Variants in SETBP1 observed in about 807,000 individuals in gnomAD.
SETBP1 encodes the protein SET binding protein 1.
In SETBP1, 9 loss-of-function variants were observed where a neutral mutation model predicts 101.0. That is an observed-to-expected ratio of 0.09 (90% confidence interval 0.05 to 0.16). The LOEUF (loss-of-function observed/expected upper bound fraction) is 0.16, where lower values mean the gene tolerates loss of function less well. Among genes scored for constraint, SETBP1 ranks in the 10% least tolerant of loss-of-function variants. The pLI, the probability that SETBP1 is intolerant of heterozygous loss-of-function variation, is 1.00. For synonymous variants in SETBP1, 818 were observed against 788.5 expected (o/e 1.04, Z -0.63); for missense variants, 1,858 against 2,033.8 (o/e 0.91, Z 1.66).
intron 2 of SETBP1, among the ~76,000 whole-genome samples, chr18:44,750,764 C>T (rs1241625666): frequency 1.3e-5 from 2 of 152,188 alleles, no homozygotes; most frequent in African/African-American, 4.8e-5. Flanking sequence ...GACATGACCC[C>T]TGCTCTCAAT....
chr18:44,744,756 C>T (rs2070190931), intron 2 of SETBP1, among the ~76,000 whole-genome samples: 1 of 147,828 alleles, frequency 6.8e-6, no homozygotes, highest in African/African-American at 2.5e-5. Flanking sequence ...CCTGCATCGT[C>T]CAACCCTCCT....
chr18:44,991,215 C>A (rs890393727), intron 4 of SETBP1, among the ~76,000 whole-genome samples: 1 of 135,374 alleles, frequency 7.4e-6, no homozygotes, highest in Non-Finnish European at 1.5e-5. Flanking sequence ...TGCACTCCAG[C>A]CTGAGTGACA....
intron 2 of SETBP1, among the ~76,000 whole-genome samples, chr18:44,812,672 A>G (rs769742513): frequency 3.4e-4 from 51 of 152,010 alleles, no homozygotes; most frequent in Admixed American, 1.8e-3. Context: ...CTGTGGCAGC[A>G]CTGATGTCTG....
intron 2 of SETBP1, among the ~76,000 whole-genome samples, chr18:44,845,502 C>T (rs905688986): frequency 3.3e-5 from 5 of 152,230 alleles, no homozygotes; most frequent in African/African-American, 1.2e-4. Context: ...AGTCTCTGGT[C>T]TCTGGGTGAT....
chr18:44,815,668 G>A lies in SETBP1; in HGVS notation c.487-53562G>A, dbSNP rs139836472. ...GTGATAGGACTCATGTATTAACAGT[G>A]AGGCTGCAGCCAGGATTACCCATTA... On this transcript the variant is annotated intron_variant, in intron 2 of 5. Coordinates refer to ENST00000649279, the MANE Select transcript of SETBP1 (RefSeq NM_015559.3). Among the ~76,000 whole-genome samples, 1,174 of 152,308 alleles carry A rather than the reference G, an allele frequency of 7.7e-3. 11 individuals are homozygous for A. The highest frequency in any genetic ancestry group is 0.025 in the African/African-American group (1,033 of 41,556).
Position 44,767,907 on chromosome 18 carries a change from A to G in SETBP1, c.486+66075A>G, listed in dbSNP as rs575321361. 2.6e-5 allele frequency among the ~76,000 whole-genome samples: 4 copies of G among 152,370 alleles called. No homozygotes were observed. In the South Asian group the frequency reaches 8.3e-4, roughly 32 times the overall value. On this transcript the variant is annotated intron_variant, in intron 2 of 5. Coordinates refer to ENST00000649279, the MANE Select transcript of SETBP1 (RefSeq NM_015559.3). ...TTAGGAAGCTGATAAAGGATAGTCC[A>G]TTTTGAAACAGTGTCCTGAGAACTA...
chr18:44,951,160 C>T lies in SETBP1; in HGVS notation c.1820C>T (p.Thr607Ile). ...TVETIHEGTS[T>I]SPVSPISREF... ...GAGACGATTCATGAGGGAACTTCCA[C>T]CAGCCCCGTCAGTCCCATCAGCCGA... Residue 607 changes from threonine (T) to isoleucine (I), a missense_variant, in exon 4 of 6, where the codon ACC becomes ATC. Coordinates refer to ENST00000649279, the MANE Select transcript of SETBP1 (RefSeq NM_015559.3). The surrounding 1 kb of genome is among the most constrained non-coding windows in gnomAD (Gnocchi z 7.8). 6.2e-7 allele frequency: 1 copy of T among 1,614,152 alleles called. No homozygotes were observed. Among genetic ancestry groups the T allele is most frequent in the East Asian group, 2.2e-5 (1 of 44,870 alleles).
At chr18:44,873,375 A>G (rs1319337962) in intron 3 of SETBP1, among the ~76,000 whole-genome samples, 2 of 152,208 alleles carry the variant, frequency 1.3e-5, no homozygotes, top group Non-Finnish European at 2.9e-5. Context: ...TGATGAGACA[A>G]TGCATGTGAA....
At chr18:44,790,149 C>A (rs758598131) in intron 2 of SETBP1, among the ~76,000 whole-genome samples, 1 of 152,162 alleles carries the variant, frequency 6.6e-6, no homozygotes, top group Non-Finnish European at 1.5e-5. Flanking sequence ...CACATGCCCC[C>A]CTGTCAGTTT....
At position 44,701,552 on chromosome 18, in the gene SETBP1, T is replaced by G. The variant is rs1251298483; in HGVS notation, c.206T>G (p.Val69Gly). 2.5e-6 allele frequency: 4 copies of G among 1,614,056 alleles called. No individual in the cohort carries two copies. The South Asian group carries it at 4.4e-5, about 18-fold the overall frequency. The part of the protein sequence containing the change: ...EEDELGSGRD[V>G]DSNSNADSEK... The stretch of plus-strand genomic sequence containing the variant: ...GATGAACTAGGCTCAGGGCGGGATG[T>G]GGATTCCAACTCCAACGCGGACAGT... The change falls in exon 2 of 6, where the codon GTG (valine) becomes GGG (glycine). Residue 69 changes from valine (V) to glycine (G), a missense_variant. Val to Gly is a moderately radical substitution (Grantham distance 109). Around this residue, in one of 12 missense-constraint regions of SETBP1, gnomAD observed 97 missense variants for 101.2 expected, o/e 0.96. Coordinates refer to ENST00000649279, the MANE Select transcript of SETBP1 (RefSeq NM_015559.3).
chr18:44,696,410 C>G lies in SETBP1; in HGVS notation c.-172-4765C>G, dbSNP rs78917553. ...TAAAAGCTGGCGTGTTGGGTCCCAG[C>G]TCTGGAGCCCTGATTCAGTAAGTAG... On this transcript the variant is annotated intron_variant, in intron 1 of 5. Transcript: ENST00000649279. 5.3e-5 allele frequency among the ~76,000 whole-genome samples: 8 copies of G among 152,290 alleles called. No homozygotes were observed. The East Asian group carries it at 1.5e-3, about 29-fold the overall frequency.
chr18:44,869,001 A>C (rs897446211), intron 2 of SETBP1, among the ~76,000 whole-genome samples: 3 of 152,154 alleles, frequency 2.0e-5, no homozygotes, highest in African/African-American at 4.8e-5. Context: ...ACATAGAAAT[A>C]GTTTAGAGAG....
chr18:44,971,369 A>G (rs1320974482), intron 4 of SETBP1, among the ~76,000 whole-genome samples: 4 of 152,158 alleles, frequency 2.6e-5, no homozygotes, highest in Non-Finnish European at 5.9e-5. Flanking sequence ...AGCATGTTTT[A>G]TAATCCTTTG....
At chr18:44,984,873 G>T (rs2072195232) in intron 4 of SETBP1, among the ~76,000 whole-genome samples, 1 of 152,198 alleles carries the variant, frequency 6.6e-6, no homozygotes, top group Non-Finnish European at 1.5e-5. Flanking sequence ...GGACGCAGTG[G>T]TTCACATCTG....
chr18:44,745,453 A>G (rs2070217303), intron 2 of SETBP1, among the ~76,000 whole-genome samples: 1 of 152,142 alleles, frequency 6.6e-6, no homozygotes. Context: ...TTGATGTCTC[A>G]AAGACCCAGT....
chr18:44,972,423 G>A (rs1371149619), intron 4 of SETBP1, among the ~76,000 whole-genome samples: 1 of 152,184 alleles, frequency 6.6e-6, no homozygotes, highest in Non-Finnish European at 1.5e-5. Flanking sequence ...AAAGTCATTG[G>A]TAGCTTGAGG....
At chr18:45,023,167 C>A (rs78463800) in intron 4 of SETBP1, among the ~76,000 whole-genome samples, 10,004 of 152,232 alleles carry the variant, frequency 0.066, 433 homozygotes, top group South Asian at 0.17. Context: ...AACATAAATT[C>A]TGATTCTTAA....
At chr18:44,713,246 C>T (rs1046344192) in intron 2 of SETBP1, among the ~76,000 whole-genome samples, 2 of 152,070 alleles carry the variant, frequency 1.3e-5, no homozygotes, top group South Asian at 2.1e-4. Context: ...TGTGAGCCAC[C>T]GCGCCCGGCC....
chr18:44,894,611 T>A (rs1022579896), intron 3 of SETBP1, among the ~76,000 whole-genome samples: 2 of 152,158 alleles, frequency 1.3e-5, no homozygotes, highest in African/African-American at 4.8e-5. Flanking sequence ...TGTATCTGAA[T>A]ATGATATGTT....
Sources: gnomAD v4.1 joint callset for allele counts (sites outside exome capture counted in the v4.1 genomes callset) on GRCh38, gnomAD v4.1.1 for gene constraint, gnomAD v4.1.1 regional missense constraint, Gnocchi (gnomAD v3.1) non-coding constraint, MANE v1.5 for transcripts, NCBI Gene and HGNC (gene_info 2026-07-23, HGNC 2026-07-21) for gene names.